The following ALDH1A3 variants were observed in gnomAD, a reference collection of about 807,000 sequenced individuals.
ALDH1A3 encodes retinaldehyde dehydrogenase 3.
ALDH1A3 carries 28 observed loss-of-function variants against 57.5 expected under a neutral mutation model. The observed-to-expected ratio is 0.49, with a 90% CI of 0.36 to 0.67. ALDH1A3 has a LOEUF of 0.67. ALDH1A3 is among the 30% of genes least tolerant of loss of function. ALDH1A3 has a pLI of 0.00. For synonymous variants in ALDH1A3, 281 were observed against 264.8 expected (o/e 1.06, Z -0.59); for missense variants, 507 against 669.4 (o/e 0.76, Z 2.68).
intron 1 of ALDH1A3, chr15:100,880,498 G>A: frequency 3.1e-6 from 1 of 319,562 alleles, no homozygotes. Context: ...GGAAGACTGG[G>A]GAAGCGGGTC....
In ALDH1A3 at chr15:100,914,846, A is replaced by G; in HGVS notation, c.*73A>G. The G allele has an allele frequency of 4.1e-6, 6 of 1,452,808 alleles. No homozygotes were observed. The South Asian group carries it at 7.0e-5, about 17-fold the overall frequency. 90.0% of individuals were successfully genotyped at this position (1,452,808 alleles called of 1,614,324 possible). ...AGATGAAATGTGCTGGAGGAAAAAAATGACATTTCTGACCTTCCCGGGACA... is the reference window on the plus strand; with the variant it reads ...AGATGAAATGTGCTGGAGGAAAAAAGTGACATTTCTGACCTTCCCGGGACA... On this transcript the variant is annotated 3_prime_UTR_variant, in exon 13 of 13. Transcript: ENST00000329841.
In ALDH1A3 at chr15:100,914,708, T is replaced by G; in HGVS notation, c.1474T>G (p.Tyr492Asp). ...TCTTTTCTGTGATCACAGAGGTGAA[T>G]ACGCTTTGGCCGAATACACAGAAGT... ...MSGNGRELGEYALAEYTEVKT... is the reference protein window; with the variant it reads ...MSGNGRELGEDALAEYTEVKT... Residue 492 changes from tyrosine (Y) to aspartate (D), a missense_variant, in exon 13 of 13, where the codon TAC becomes GAC. By Grantham distance (160) the Tyr-to-Asp change is radical (BLOSUM62 -3). Coordinates refer to ENST00000329841, the MANE Select transcript of ALDH1A3 (RefSeq NM_000693.4). 6.2e-7 allele frequency: 1 copy of G among 1,614,010 alleles called. No homozygotes were observed. The highest frequency in any genetic ancestry group is 8.5e-7 in the Non-Finnish European group (1 of 1,179,974).
At chr15:100,895,835 G>A in intron 6 of ALDH1A3, 98 bp from the exon 7 acceptor site, 1 of 1,072,520 alleles carries the variant, frequency 9.3e-7, no homozygotes, top group South Asian at 1.4e-5. Flanking sequence ...CGGGTTCCCT[G>A]TGGGGATGTG....
At chr15:100,884,780 G>T (rs866936420) in intron 1 of ALDH1A3, among the ~76,000 whole-genome samples, 1 of 152,062 alleles carries the variant, frequency 6.6e-6, no homozygotes, top group Non-Finnish European at 1.5e-5. Flanking sequence ...GAGCTCCTTG[G>T]CAATCAATCT....
At chr15:100,902,048 G>A (rs2041774520) in intron 9 of ALDH1A3, among the ~76,000 whole-genome samples, 1 of 152,220 alleles carries the variant, frequency 6.6e-6, no homozygotes, top group Admixed American at 6.5e-5. Context: ...ACGCAAACAT[G>A]ACCACAAGTC....
Position 100,906,252 on chromosome 15 carries a change from A to T in ALDH1A3, c.1233+565A>T, listed in dbSNP as rs750805844. Among the ~76,000 whole-genome samples, 4 of 152,164 alleles carry T rather than the reference A, an allele frequency of 2.6e-5. No individual in the cohort carries two copies. Among genetic ancestry groups the T allele is most frequent in the Non-Finnish European group, 5.9e-5 (4 of 68,020 alleles). On this transcript the variant is annotated intron_variant, in intron 10 of 12. Transcript: ENST00000329841. The surrounding 1 kb of genome is among the most constrained non-coding windows in gnomAD (Gnocchi z 4.8). Reference sequence around the variant, plus strand: ...ATAAGAGTGTAAATCTTTCTCTTTCAACTCCACTGTTACACTAGACGGGAA... The same window carrying T: ...ATAAGAGTGTAAATCTTTCTCTTTCTACTCCACTGTTACACTAGACGGGAA...
Position 100,900,879 on chromosome 15 carries a change from G to A in ALDH1A3, c.1068+120G>A, listed in dbSNP as rs1013119119. 5.7e-5 allele frequency: 65 copies of A among 1,137,178 alleles called. 1 individual carries two copies. In the South Asian group the frequency reaches 8.7e-4, roughly 15 times the overall value. 70.4% of individuals were successfully genotyped at this position (1,137,178 alleles called of 1,614,324 possible). A position where few individuals can be genotyped will look rare whatever the true frequency, so the allele number is the denominator to read the frequency against. On this transcript the variant is annotated intron_variant, in intron 9 of 12. Transcript: ENST00000329841. ...AGGAATGCTGACCTGTCCTGCCCAG[G>A]AGGCTTTCTTTTCTTTAGAAACTGA...
intron 8 of ALDH1A3, among the ~76,000 whole-genome samples, chr15:100,899,951 A>G (rs147067417): frequency 2.8e-4 from 42 of 152,362 alleles, no homozygotes; most frequent in African/African-American, 9.6e-4. Flanking sequence ...ACGGTTGAAC[A>G]CTAGAAACCC....
At chr15:100,891,161 G>C (rs1432829675) in intron 3 of ALDH1A3, among the ~76,000 whole-genome samples, 1 of 152,212 alleles carries the variant, frequency 6.6e-6, no homozygotes, top group African/African-American at 2.4e-5. Context: ...CCATGGGCGG[G>C]CACTGTGGTT....
At position 100,900,667 on chromosome 15, in the gene ALDH1A3, G is replaced by C; in HGVS notation, c.976G>C (p.Val326Leu). 2 of 1,614,098 alleles carry C rather than the reference G, an allele frequency of 1.2e-6. No individual in the cohort carries two copies. Among genetic ancestry groups the C allele is most frequent in the Non-Finnish European group, 1.7e-6 (2 of 1,180,018 alleles). Residue 326 changes from valine (V) to leucine (L), a missense_variant, in exon 9 of 13, where the codon GTC becomes CTC. Coordinates refer to ENST00000329841, the MANE Select transcript of ALDH1A3 (RefSeq NM_000693.4). ...AASRVFVEEQ[V>L]YSEFVRRSVE... ...CTCCAGGGTGTTCGTGGAGGAGCAG[G>C]TCTACTCTGAGTTTGTCAGGCGGAG...
In ALDH1A3 at chr15:100,894,634, T is replaced by C. The variant is rs1257391712; in HGVS notation, c.666+552T>C. On this transcript the variant is annotated intron_variant, in intron 6 of 12. Transcript: ENST00000329841. This position sits in a 1 kb window ranked among gnomAD's most constrained non-coding sequence, Gnocchi z 4.5. ...TACCTTTAGTCATTCCATCCCCAGG[T>C]TGTATGGAGCAAAGATTTAGAGAAA... 6.5e-6 allele frequency: 1 copy of C among 153,280 alleles called. No homozygotes were observed. Among genetic ancestry groups the C allele is most frequent in the Non-Finnish European group, 1.5e-5 (1 of 68,820 alleles). The allele number at this position is 153,280 out of a possible 1,614,324, so 9.5% of individuals were successfully genotyped here.
At chr15:100,880,576 G>A (rs1368738550) in intron 1 of ALDH1A3, 1 of 196,526 alleles carries the variant, frequency 5.1e-6, no homozygotes, top group Non-Finnish European at 1.0e-5. Flanking sequence ...AGAACGAGGA[G>A]GAGTAGGAAG....
At position 100,908,423 on chromosome 15, in the gene ALDH1A3, C is replaced by T. The variant is rs145659258; in HGVS notation, c.1407C>T (p.Asn469=). Residue 469 remains asparagine (N), a synonymous_variant, in exon 12 of 13, where the codon AAC becomes AAT. Transcript: ENST00000329841. ...TCTTTTCTAGGATCAACTGCTACAA[C>T]GCCCTCTATGCACAGGCTCCATTTG... The part of the protein sequence containing the change: ...ESGTVWINCY[N]ALYAQAPFGG... 1.4e-3 allele frequency: 2,322 copies of T among 1,613,868 alleles called. 50 individuals carry two copies. The South Asian group carries it at 0.022, about 15-fold the overall frequency.
At chr15:100,892,882 A>T (rs1261146896) in intron 4 of ALDH1A3, 63 bp from the exon 5 acceptor site, 3 of 1,548,508 alleles carry the variant, frequency 1.9e-6, no homozygotes, top group African/African-American at 2.7e-5. Context: ...TCTTTTTACT[A>T]CTTGAAGTTC....
At chr15:100,899,996 T>A (rs1253957816) in intron 8 of ALDH1A3, among the ~76,000 whole-genome samples, 3 of 152,248 alleles carry the variant, frequency 2.0e-5, no homozygotes, top group Non-Finnish European at 4.4e-5. Flanking sequence ...AATACCATTC[T>A]TATCCACTAA....
intron 12 of ALDH1A3, among the ~76,000 whole-genome samples, chr15:100,910,503 G>C (rs1466340267): frequency 3.9e-5 from 6 of 152,220 alleles, no homozygotes; most frequent in East Asian, 1.9e-4. Context: ...AGCTCTCTAT[G>C]CCTGTTCCTT....
At chr15:100,896,178 C>A in intron 7 of ALDH1A3, 132 bp downstream of exon 7, 5 of 701,072 alleles carry the variant, frequency 7.1e-6, no homozygotes, top group Admixed American at 2.8e-5. Context: ...TACATAACAA[C>A]CAGTTAAAAA....
intron 12 of ALDH1A3, among the ~76,000 whole-genome samples, chr15:100,910,528 G>C (rs2041873004): frequency 6.6e-6 from 1 of 152,158 alleles, no homozygotes; most frequent in Admixed American, 6.5e-5. Context: ...CCATCCTCAC[G>C]CCCATCCATG....
chr15:100,909,250 T>C (rs2041857854), intron 12 of ALDH1A3, among the ~76,000 whole-genome samples: 1 of 105,916 alleles, frequency 9.4e-6, no homozygotes, highest in Non-Finnish European at 2.0e-5. Context: ...AACCCCTCCG[T>C]GTGTGTGCAA....
Sources: allele counts gnomAD v4.1 joint callset (sites outside exome capture counted in the v4.1 genomes callset), GRCh38; gene constraint gnomAD v4.1.1; non-coding constraint Gnocchi (gnomAD v3.1); transcripts MANE v1.5; gene names NCBI Gene and HGNC (gene_info 2026-07-23, HGNC 2026-07-21).